The following ZFHX3 variants were observed in gnomAD, a reference collection of about 807,000 sequenced individuals.
The protein encoded by ZFHX3 is zinc finger homeobox 3, also known as zinc finger homeobox protein 3.
In ZFHX3, 42 loss-of-function variants were observed where a neutral mutation model predicts 279.1. The ratio of observed to expected loss-of-function variants is 0.15; its 90% CI spans 0.12 to 0.19. The LOEUF (loss-of-function observed/expected upper bound fraction) is 0.19, where lower values mean the gene tolerates loss of function less well. Ranked by LOEUF, ZFHX3 falls within the 10% of genes least tolerant of loss-of-function variation. ZFHX3 has a pLI of 1.00. For missense variants in ZFHX3, 4,981 were observed against 4,754.0 expected, an observed-to-expected ratio of 1.05 and a Z score of -1.40; for synonymous variants, 2,293 against 1,957.8, an observed-to-expected ratio of 1.17 and a Z score of -4.52.
chr16:73,592,569 C>T (rs2052010403), intron 2 of ZFHX3, among the ~76,000 whole-genome samples: 1 of 151,992 alleles, frequency 6.6e-6, no homozygotes, highest in Non-Finnish European at 1.5e-5. Context: ...GGCATGCTGG[C>T]TGGCCTTATA....
At chr16:72,893,010 A>G (rs1256182785) in intron 3 of ZFHX3, among the ~76,000 whole-genome samples, 1 of 152,092 alleles carries the variant, frequency 6.6e-6, no homozygotes, top group Non-Finnish European at 1.5e-5. Context: ...GCCCCTCAGA[A>G]CTCAGAAGCC....
chr16:72,974,660 A>G (rs1375021517), intron 1 of ZFHX3, among the ~76,000 whole-genome samples: 1 of 152,126 alleles, frequency 6.6e-6, no homozygotes. Flanking sequence ...CTGCTGGCAT[A>G]AAGAGCTTTT....
chr16:73,844,638 G>A (rs1961397891), intron 1 of ZFHX3, among the ~76,000 whole-genome samples: 1 of 151,978 alleles, frequency 6.6e-6, no homozygotes, highest in Admixed American at 6.6e-5. Flanking sequence ...TGGGTAGAGG[G>A]ATGGAAGGAT....
At chr16:73,643,975 T>C (rs766460862) in intron 2 of ZFHX3, among the ~76,000 whole-genome samples, 18 of 152,142 alleles carry the variant, frequency 1.2e-4, no homozygotes, top group Non-Finnish European at 2.5e-4. Flanking sequence ...GTCCTTATCA[T>C]CACATTGAAA....
intron 1 of ZFHX3, among the ~76,000 whole-genome samples, chr16:73,831,161 G>A (rs926015200): frequency 6.6e-6 from 1 of 152,198 alleles, no homozygotes; most frequent in Non-Finnish European, 1.5e-5. Context: ...GGTATTCACA[G>A]CCCTGGAGAA....
chr16:73,776,496 C>T (rs957667167), intron 1 of ZFHX3, among the ~76,000 whole-genome samples: 2 of 152,198 alleles, frequency 1.3e-5, no homozygotes, highest in African/African-American at 2.4e-5. Flanking sequence ...TGGCTATCGA[C>T]GACAGGGAGT....
intron 2 of ZFHX3, among the ~76,000 whole-genome samples, chr16:73,647,777 G>A (rs553993034): frequency 1.3e-5 from 2 of 152,224 alleles, no homozygotes; most frequent in African/African-American, 4.8e-5. Context: ...TATGCCTACT[G>A]ATGCATGTTC....
intron 2 of ZFHX3, among the ~76,000 whole-genome samples, chr16:73,472,550 A>G (rs2143606074): frequency 6.6e-6 from 1 of 152,266 alleles, no homozygotes; most frequent in Non-Finnish European, 1.5e-5. Flanking sequence ...TGAGTGCCTG[A>G]GTCAGGAGGG....
At position 73,308,260 on chromosome 16, in the gene ZFHX3, TATATATATATA is replaced by T. The variant is rs2015235818; in HGVS notation, c.-1194+9969_-1194+9979del. 7.5e-4 allele frequency among the ~76,000 whole-genome samples: 25 copies of T among 33,402 alleles called. No individual in the cohort carries two copies. In the South Asian group the frequency reaches 0.019, roughly 25 times the overall value. 21.9% of individuals were successfully genotyped at this position (33,402 alleles called of 152,430 possible). A position where few individuals can be genotyped will look rare whatever the true frequency, so the allele number is the denominator to read the frequency against. On this transcript the variant is annotated intron_variant, in intron 4 of 17. Transcript: ENST00000641206. Reference sequence around the variant, plus strand: ...ATATATATATATATATATATATATATATATATATATATATATATTTATTTATTTATTTTTGA... The same window carrying T: ...ATATATATATATATATATATATATATTATATATTTATTTATTTATTTTTGA...
In ZFHX3 at chr16:72,958,473, A is replaced by G. The variant is rs1184545130; in HGVS notation, c.1673T>C (p.Phe558Ser). 1 of 1,614,146 alleles carries G rather than the reference A, an allele frequency of 6.2e-7. No homozygotes were observed. Among genetic ancestry groups the G allele is most frequent in the Non-Finnish European group, 8.5e-7 (1 of 1,180,024 alleles). The change falls in exon 2 of 10, where the codon TTT (phenylalanine) becomes TCT (serine). Residue 558 changes from phenylalanine (F) to serine (S), a missense_variant. Coordinates refer to ENST00000268489, the MANE Select transcript of ZFHX3 (RefSeq NM_006885.4). ...ASTSSNSASS[F>S]VVFDGANRRN... ...CCTGTTCGCACCATCAAAGACAACA[A>G]AGGAAGAAGCAGAATTAGAACTAGT...
At position 72,829,841 on chromosome 16, in the gene ZFHX3, A is replaced by G; in HGVS notation, c.3467T>C (p.Val1156Ala). The change falls in exon 5 of 10, where the codon GTT becomes GCT. Residue 1156 changes from valine to alanine, a missense_variant. Physicochemically the swap from Val to Ala is moderately conservative, Grantham distance 64. Coordinates refer to ENST00000268489, the MANE Select transcript of ZFHX3 (RefSeq NM_006885.4). The stretch of plus-strand genomic sequence containing the variant: ...AGCAGCTGTTTCACTGGGTCCTTCA[A>G]CATCTTCAATGGCTTCTTCTGAAAC... Reference protein sequence around the residue: ...STDPEEAIEDVEGPSETAADP... With the variant: ...STDPEEAIEDAEGPSETAADP... 3 of 1,614,162 alleles carry G rather than the reference A, an allele frequency of 1.9e-6. No individual in the cohort carries two copies. In the South Asian group the frequency reaches 3.3e-5, roughly 18 times the overall value.
intron 2 of ZFHX3, among the ~76,000 whole-genome samples, chr16:73,606,871 C>T (rs747147352): frequency 1.1e-4 from 16 of 152,060 alleles, no homozygotes; most frequent in Non-Finnish European, 2.1e-4. Flanking sequence ...CTGAGGATAA[C>T]GGCTTCCAAT....
intron 1 of ZFHX3, among the ~76,000 whole-genome samples, chr16:73,712,827 A>G (rs539459850): frequency 3.9e-5 from 6 of 152,328 alleles, no homozygotes; most frequent in Admixed American, 3.9e-4. Context: ...CACAACATAA[A>G]GGACACCCCA....
At chr16:73,235,927 T>A (rs1228284677) in intron 5 of ZFHX3, among the ~76,000 whole-genome samples, 1 of 152,196 alleles carries the variant, frequency 6.6e-6, no homozygotes, top group Non-Finnish European at 1.5e-5. Context: ...CACCTAGGCT[T>A]CCCAAAGGGC....
intron 1 of ZFHX3, among the ~76,000 whole-genome samples, chr16:73,725,546 T>A (rs948166476): frequency 4.2e-4 from 64 of 151,772 alleles, no homozygotes; most frequent in African/African-American, 1.5e-3. Flanking sequence ...AGTGAGTGTG[T>A]GTGTGTGTGT....
At chr16:73,330,870 T>C (rs2015788922) in intron 3 of ZFHX3, among the ~76,000 whole-genome samples, 1 of 152,176 alleles carries the variant, frequency 6.6e-6, no homozygotes, top group African/African-American at 2.4e-5. Flanking sequence ...CCTATACTCA[T>C]TGGTGGCTTT....
At chr16:72,830,300 AG>A (rs2143724206) in intron 4 of ZFHX3, among the ~76,000 whole-genome samples, 1 of 152,354 alleles carries the variant, frequency 6.6e-6, no homozygotes, top group African/African-American at 2.4e-5. Flanking sequence ...GGCCTAGACC[AG>A]CCCCAGTCAC....
At chr16:73,607,801 C>T (rs970315162) in intron 2 of ZFHX3, among the ~76,000 whole-genome samples, 3 of 152,162 alleles carry the variant, frequency 2.0e-5, no homozygotes, top group African/African-American at 4.8e-5. Context: ...TGCGGTGGCT[C>T]ATGCCTGTAA....
chr16:73,033,162 A>T (rs1469394039), intron 1 of ZFHX3, among the ~76,000 whole-genome samples: 1 of 152,076 alleles, frequency 6.6e-6, no homozygotes, highest in Admixed American at 6.6e-5. Flanking sequence ...CAGCTGCCAG[A>T]CACCTCCTTA....
Sources: allele counts gnomAD v4.1 joint callset (sites outside exome capture counted in the v4.1 genomes callset), GRCh38; gene constraint gnomAD v4.1.1; transcripts MANE v1.5; gene names NCBI Gene and HGNC (gene_info 2026-07-23, HGNC 2026-07-21).